The following PWWP2B variants were observed in gnomAD, a reference collection of about 807,000 sequenced individuals.
PWWP2B encodes the protein PWWP domain-containing protein 2B.
Under a neutral mutation model 15.5 loss-of-function variants are expected in PWWP2B, and 9 were observed. That is an observed-to-expected ratio of 0.58 (90% CI 0.35 to 1.02). The LOEUF is 1.02. Among genes scored for constraint, PWWP2B ranks in the 50% least tolerant of loss-of-function variants. The pLI is 0.02. For missense variants in PWWP2B, 864 were observed against 865.3 expected, an observed-to-expected ratio of 1.00 and a Z score of 0.02; for synonymous variants, 474 against 403.6, an observed-to-expected ratio of 1.17 and a Z score of -2.09.
At position 132,410,553 on chromosome 10, in the gene PWWP2B, C is replaced by T. The variant is rs541940350; in HGVS notation, c.*16+4264C>T. On this transcript the variant is annotated intron_variant, in intron 2 of 2. Transcript: ENST00000305233. ...GGACCTTGCCCGTCCTGCACCTCAG[C>T]ACCACTGCAGGGGAGGGGGGCGTGC... Among the ~76,000 whole-genome samples, 4 of 152,276 alleles carry T rather than the reference C, an allele frequency of 2.6e-5. No homozygotes were observed. In the East Asian group the frequency reaches 7.7e-4, roughly 29 times the overall value.
intron 2 of PWWP2B, among the ~76,000 whole-genome samples, chr10:132,410,773 G>A (rs928293709): frequency 3.9e-5 from 6 of 152,264 alleles, no homozygotes; most frequent in East Asian, 1.9e-4. Context: ...ACCGACGTGC[G>A]GACTGGAAGC....
At chr10:132,412,495 C>G (rs1306147028) in intron 2 of PWWP2B, among the ~76,000 whole-genome samples, 1 of 152,170 alleles carries the variant, frequency 6.6e-6, no homozygotes, top group Non-Finnish European at 1.5e-5. Flanking sequence ...AGCTCCTGCC[C>G]GGCAGGAGGC....
chr10:132,403,759 G>T (rs574327564), intron 1 of PWWP2B, among the ~76,000 whole-genome samples: 1 of 151,270 alleles, frequency 6.6e-6, no homozygotes, highest in Admixed American at 6.6e-5. Context: ...TGTGGCAGCC[G>T]CGGGGCCTTA....
Position 132,417,197 on chromosome 10 carries a change from G to C in PWWP2B, c.*153G>C. ...CCTGGTGTGAGGCCCCCCGGGGACC[G>C]GCAGTGTGTCCAGGGAGGGGATGGC... is the stretch of plus-strand genomic sequence containing the variant. On this transcript the variant is annotated 3_prime_UTR_variant, in exon 3 of 3. Coordinates refer to ENST00000305233, the MANE Select transcript of PWWP2B (RefSeq NM_138499.4). The C allele has an allele frequency of 2.7e-6, 3 of 1,131,604 alleles. No individual in the cohort carries two copies. Among genetic ancestry groups the C allele is most frequent in the South Asian group, 1.2e-5 (1 of 80,142 alleles). 70.1% of individuals were successfully genotyped at this position (1,131,604 alleles called of 1,614,324 possible).
intron 2 of PWWP2B, among the ~76,000 whole-genome samples, chr10:132,410,154 C>T (rs376976796): frequency 1.3e-5 from 2 of 152,018 alleles, no homozygotes; most frequent in Admixed American, 6.5e-5. Flanking sequence ...TGACGGGGGA[C>T]GGGGAGGCTG....
chr10:132,408,644 G>T (rs1410664438), intron 2 of PWWP2B, among the ~76,000 whole-genome samples: 2 of 152,246 alleles, frequency 1.3e-5, no homozygotes, highest in African/African-American at 4.8e-5. Flanking sequence ...GGGGATGGCT[G>T]GGCGGTGTCA....
chr10:132,411,327 C>G (rs935566552), intron 2 of PWWP2B, among the ~76,000 whole-genome samples: 3 of 152,214 alleles, frequency 2.0e-5, no homozygotes, highest in African/African-American at 7.2e-5. Context: ...CGGGAGGGGC[C>G]GCTCATCTGG....
At chr10:132,398,638 C>G (rs533300818) in intron 1 of PWWP2B, among the ~76,000 whole-genome samples, 5 of 152,230 alleles carry the variant, frequency 3.3e-5, no homozygotes, top group Admixed American at 2.0e-4. Context: ...GCAGTGGCCT[C>G]GGGCTCTCCT....
rs780716639 is a variant in PWWP2B, at chr10:132,404,971, C to T, written c.471C>T (p.Arg157=). The T allele has an allele frequency of 1.9e-6, 3 of 1,582,334 alleles. No homozygotes were observed. The African/African-American group carries it at 4.0e-5, about 21-fold the overall frequency. Reference sequence around the variant, plus strand: ...AGCGCACGCGGCGGCGTCTGTCCCGCAACCGCGACCCGGGGCGCCTCATCC... The same window carrying T: ...AGCGCACGCGGCGGCGTCTGTCCCGTAACCGCGACCCGGGGCGCCTCATCC... ...TIKRTRRRLS[R]NRDPGRLILS... Residue 157 remains arginine (R), a synonymous_variant, in exon 2 of 3, where the codon CGC becomes CGT. Coordinates refer to ENST00000305233, the MANE Select transcript of PWWP2B (RefSeq NM_138499.4).
chr10:132,412,584 G>C (rs1248315700), intron 2 of PWWP2B, among the ~76,000 whole-genome samples: 3 of 152,210 alleles, frequency 2.0e-5, no homozygotes, highest in African/African-American at 7.2e-5. Context: ...AGTTCACCCA[G>C]GTTTTCACCC....
intron 2 of PWWP2B, among the ~76,000 whole-genome samples, chr10:132,415,868 C>T (rs2069846669): frequency 6.6e-6 from 1 of 152,170 alleles, no homozygotes; most frequent in Admixed American, 6.5e-5. Flanking sequence ...CGGCTTGGTG[C>T]TTGGTCTTCA....
At chr10:132,406,861 A>C (rs1264741576) in intron 2 of PWWP2B, among the ~76,000 whole-genome samples, 2 of 151,978 alleles carry the variant, frequency 1.3e-5, no homozygotes, top group African/African-American at 4.8e-5. Context: ...TGACCCCCCA[A>C]ATCTTCCTCC....
At chr10:132,415,708 C>T (rs1564878941) in intron 2 of PWWP2B, among the ~76,000 whole-genome samples, 1 of 133,074 alleles carries the variant, frequency 7.5e-6, no homozygotes. Context: ...CTCTCACACA[C>T]ATCCACTCAC....
chr10:132,402,425 C>T (rs576028912), intron 1 of PWWP2B, among the ~76,000 whole-genome samples: 1 of 152,230 alleles, frequency 6.6e-6, no homozygotes, highest in African/African-American at 2.4e-5. Flanking sequence ...TTCATTGGGT[C>T]CTATGGAGGG....
At chr10:132,399,225 A>G (rs989286351) in intron 1 of PWWP2B, among the ~76,000 whole-genome samples, 2 of 152,244 alleles carry the variant, frequency 1.3e-5, no homozygotes, top group Non-Finnish European at 2.9e-5. Flanking sequence ...TGCATGTGAC[A>G]GTGGAGGCCC....
At chr10:132,411,300 G>C (rs963496689) in intron 2 of PWWP2B, among the ~76,000 whole-genome samples, 2 of 152,208 alleles carry the variant, frequency 1.3e-5, no homozygotes, top group African/African-American at 4.8e-5. Context: ...GTGGCATCTG[G>C]GGACCCGTAG....
At chr10:132,406,956 C>A (rs11146365) in intron 2 of PWWP2B, among the ~76,000 whole-genome samples, 1 of 152,058 alleles carries the variant, frequency 6.6e-6, no homozygotes, top group Non-Finnish European at 1.5e-5. Flanking sequence ...GGCCTGTTCC[C>A]GGGGACGGCG....
At chr10:132,409,383 TCAGGTG>T (rs1245610558) in intron 2 of PWWP2B, among the ~76,000 whole-genome samples, 2 of 152,150 alleles carry the variant, frequency 1.3e-5, no homozygotes, top group Non-Finnish European at 2.9e-5. Context: ...GCCTCCTGCT[TCAGGTG>T]CAGGCACCGG....
intron 2 of PWWP2B, among the ~76,000 whole-genome samples, chr10:132,408,556 G>A (rs1357856361): frequency 1.3e-5 from 2 of 152,204 alleles, no homozygotes; most frequent in Non-Finnish European, 2.9e-5. Flanking sequence ...TTCCGGGGAA[G>A]GTCGTCCTCC....
Sources: allele counts gnomAD v4.1 joint callset (sites outside exome capture counted in the v4.1 genomes callset), GRCh38; gene constraint gnomAD v4.1.1; transcripts MANE v1.5; gene names NCBI Gene and HGNC (gene_info 2026-07-23, HGNC 2026-07-21).